The following SHPRH variants were observed in gnomAD, a reference collection of about 807,000 sequenced individuals.
SHPRH encodes E3 ubiquitin-protein ligase SHPRH.
SHPRH carries 106 observed loss-of-function variants against 202.5 expected under a neutral mutation model. That is an observed-to-expected ratio of 0.52 (90% CI 0.45 to 0.62). SHPRH has a LOEUF of 0.62. Ranked by LOEUF, SHPRH falls within the 20% of genes least tolerant of loss-of-function variation. The pLI is 0.00. For synonymous variants in SHPRH, 729 were observed against 686.0 expected, an observed-to-expected ratio of 1.06 and a Z score of -0.98; for missense variants, 1,710 against 2,020.0, an observed-to-expected ratio of 0.85 and a Z score of 2.94.
At chr6:145,910,349 T>C in intron 25 of SHPRH, 99 bp downstream of exon 25, 2 of 1,370,632 alleles carry the variant, frequency 1.5e-6, no homozygotes, top group Non-Finnish European at 1.0e-6. Flanking sequence ...ACCTATTCAC[T>C]GTCAAGCTTG....
chr6:145,955,263 C>T lies in SHPRH; in HGVS notation c.60G>A (p.Gln20=). 6.2e-7 allele frequency: 1 copy of T among 1,611,996 alleles called. No homozygotes were observed. The highest frequency in any genetic ancestry group is 8.5e-7 in the Non-Finnish European group (1 of 1,179,802). ...PVRVDEEKRQ[Q]LHWNMHEDRR... is the part of the protein sequence containing the mutation. The stretch of plus-strand genomic sequence containing the variant: ...TGTCCTCATGCATATTCCAATGAAG[C>T]TGCTGCCTCTTTTCCTCATCTACCC... The change falls in exon 2 of 30, where the codon CAG becomes CAA. Residue 20 remains glutamine, a synonymous_variant. Coordinates refer to ENST00000275233, the MANE Select transcript of SHPRH (RefSeq NM_001042683.3).
intron 2 of SHPRH, among the ~76,000 whole-genome samples, chr6:145,952,724 G>A (rs971163191): frequency 2.6e-5 from 4 of 152,004 alleles, no homozygotes; most frequent in Non-Finnish European, 4.4e-5. Context: ...AACTGAAATC[G>A]AACCTGGGAG....
chr6:145,940,879 A>G, intron 10 of SHPRH, 78 bp from the exon 11 acceptor site: 1 of 1,402,864 alleles, frequency 7.1e-7, no homozygotes. Context: ...CATACTCATG[A>G]AAAACAGCCC....
intron 22 of SHPRH, chr6:145,918,505 T>C (rs1020497675): frequency 9.7e-6 from 2 of 206,662 alleles, no homozygotes; most frequent in African/African-American, 4.6e-5. Context: ...AAACTCAAAT[T>C]CTATTATGTA....
chr6:145,925,814 T>C (rs1258956425), intron 16 of SHPRH, among the ~76,000 whole-genome samples: 3 of 151,960 alleles, frequency 2.0e-5, no homozygotes, highest in African/African-American at 7.2e-5. Flanking sequence ...AAATTTGACT[T>C]TATTTACCCC....
chr6:145,922,876 G>GAATAAT (rs770549737), intron 18 of SHPRH, 40 bp from the exon 19 acceptor site: 1 of 1,480,512 alleles, frequency 6.8e-7, no homozygotes. Flanking sequence ...ACAAAGAAAA[G>GAATAAT]AATAATAGGT....
intron 2 of SHPRH, among the ~76,000 whole-genome samples, chr6:145,870,657 G>A (rs1247470575): frequency 6.6e-6 from 1 of 152,086 alleles, no homozygotes; most frequent in Non-Finnish European, 1.5e-5. Flanking sequence ...CTTTTGTTGT[G>A]TAGCATTAGC....
intron 25 of SHPRH, chr6:145,903,750 G>T (rs1354180353): frequency 1.3e-5 from 2 of 151,918 alleles, no homozygotes; most frequent in African/African-American, 4.8e-5. Flanking sequence ...CAGTATATAG[G>T]GTCAGGGTTT....
At chr6:145,926,414 C>T in intron 15 of SHPRH, 118 bp from the exon 16 acceptor site, 1 of 879,174 alleles carries the variant, frequency 1.1e-6, no homozygotes, top group Non-Finnish European at 1.8e-6. Context: ...TCACCAAATA[C>T]TTTTCCTATA....
chr6:145,867,060 A>G (rs1265708067), intron 2 of SHPRH, among the ~76,000 whole-genome samples: 3 of 152,206 alleles, frequency 2.0e-5, no homozygotes, highest in African/African-American at 7.2e-5. Context: ...CAGCATATAA[A>G]ATCTAAAACT....
At chr6:145,895,483 A>C (rs1781932609) in intron 25 of SHPRH, among the ~76,000 whole-genome samples, 1 of 151,698 alleles carries the variant, frequency 6.6e-6, no homozygotes, top group Admixed American at 6.6e-5. Flanking sequence ...GGTACAAATG[A>C]TGCTCACTTA....
chr6:145,886,536 G>T lies in SHPRH; in HGVS notation c.*155C>A. On this transcript the variant is annotated 3_prime_UTR_variant, in exon 30 of 30. Transcript: ENST00000275233. The stretch of plus-strand genomic sequence containing the variant: ...CAGTATATTGAAAAGGACTCAATAA[G>T]TACTAAGCCACTGTATAACCAGAAC... 1 of 1,346,736 alleles carries T rather than the reference G, an allele frequency of 7.4e-7. No individual in the cohort carries two copies. Among genetic ancestry groups the T allele is most frequent in the Non-Finnish European group, 1.0e-6 (1 of 978,872 alleles). The allele number at this position is 1,346,736 out of a possible 1,614,324, so 83.4% of individuals were successfully genotyped here.
At chr6:145,910,250 A>G (rs1255112493) in intron 25 of SHPRH, 198 bp downstream of exon 25, 6 of 555,320 alleles carry the variant, frequency 1.1e-5, no homozygotes, top group South Asian at 2.9e-5. Context: ...CCATGTTTGA[A>G]TAAGTGTTCT....
At chr6:145,906,102 C>T (rs1054847571) in intron 25 of SHPRH, 2 of 152,056 alleles carry the variant, frequency 1.3e-5, no homozygotes, top group Non-Finnish European at 2.9e-5. Context: ...TGCTGGTCCA[C>T]AAATGCAGGT....
intron 25 of SHPRH, among the ~76,000 whole-genome samples, chr6:145,898,944 T>C (rs1483589079): frequency 1.3e-5 from 2 of 152,114 alleles, no homozygotes; most frequent in African/African-American, 4.8e-5. Context: ...CCCGAGTAGC[T>C]GGGACTACAG....
intron 1 of SHPRH, among the ~76,000 whole-genome samples, chr6:145,961,765 T>G (rs1789115258): frequency 6.6e-6 from 1 of 152,224 alleles, no homozygotes; most frequent in Non-Finnish European, 1.5e-5. Context: ...TCTCCCTTTG[T>G]CCAGTTCTTA....
chr6:145,927,220 T>C lies in SHPRH; in HGVS notation c.3170A>G (p.His1057Arg). The change falls in exon 15 of 30, where the codon CAC (histidine) becomes CGC (arginine). Residue 1057 changes from histidine to arginine, a missense_variant. Physicochemically the swap from His to Arg is conservative, Grantham distance 29 (BLOSUM62 0). Around this residue, in one of 8 missense-constraint regions of SHPRH, gnomAD observed 288 missense variants for 317.8 expected, o/e 0.91. Transcript: ENST00000275233. ...YREVLRSSEE[H>R]KGKLKTDSLQ... ...TGAATCAGTTTTGAGTTTTCCTTTGTGTTCCTCCGAGGAGCGCAACACTTC... is the reference window on the plus strand; with the variant it reads ...TGAATCAGTTTTGAGTTTTCCTTTGCGTTCCTCCGAGGAGCGCAACACTTC... The C allele has an allele frequency of 1.2e-6, 2 of 1,612,226 alleles. No homozygotes were observed. The highest frequency in any genetic ancestry group is 1.7e-6 in the Non-Finnish European group (2 of 1,178,880).
Position 145,950,458 on chromosome 6 carries a change from T to C in SHPRH, c.788A>G (p.Asp263Gly), listed in dbSNP as rs1787858635. Residue 263 changes from aspartate (D) to glycine (G), a missense_variant, in exon 4 of 30, where the codon GAT (aspartate) becomes GGT (glycine). Asp to Gly is a moderately conservative substitution (Grantham distance 94). This residue lies in a region of SHPRH where 459 missense variants were observed against 426.5 expected (regional missense o/e 1.08). Coordinates refer to ENST00000275233, the MANE Select transcript of SHPRH (RefSeq NM_001042683.3). ...IPDVLEEDED[D>G]PESEPEGQDI... ...TTGTCCCTCTGGCTCACTCTCCGGA[T>C]CATCTTCATCCTCTTCCAACACATC... The C allele has an allele frequency of 1.2e-6, 2 of 1,612,880 alleles. No homozygotes were observed. The highest frequency in any genetic ancestry group is 8.5e-7 in the Non-Finnish European group (1 of 1,179,280).
At chr6:145,924,291 AAG>A (rs1784679875) in intron 17 of SHPRH, among the ~76,000 whole-genome samples, 1 of 103,442 alleles carries the variant, frequency 9.7e-6, no homozygotes, top group African/African-American at 3.1e-5. Context: ...CTGAAAATAA[AAG>A]TGTATTTGTG....
Sources: allele counts gnomAD v4.1 joint callset (sites outside exome capture counted in the v4.1 genomes callset), GRCh38; gene constraint gnomAD v4.1.1; regional missense constraint gnomAD v4.1.1; transcripts MANE v1.5; gene names NCBI Gene and HGNC (gene_info 2026-07-23, HGNC 2026-07-21).